NCAPG2: variants seen among roughly 807,000 people sequenced by gnomAD.
NCAPG2 encodes condensin-2 complex subunit G2.
Under a neutral mutation model 141.1 loss-of-function variants are expected in NCAPG2, and 53 were observed. The observed-to-expected ratio is 0.38, with a 90% CI of 0.30 to 0.47. The LOEUF (loss-of-function observed/expected upper bound fraction) is 0.47, where lower values mean the gene tolerates loss of function less well. Ranked by LOEUF, NCAPG2 falls within the 20% of genes least tolerant of loss-of-function variation. The pLI, the probability that NCAPG2 is intolerant of heterozygous loss-of-function variation, is 0.99. For missense variants in NCAPG2, 1,087 were observed against 1,389.0 expected (o/e 0.78, Z 3.46); for synonymous variants, 499 against 490.7 (o/e 1.02, Z -0.22).
chr7:158,668,200 GGT>G (rs1833345842), intron 13 of NCAPG2: 1 of 602,776 alleles, frequency 1.7e-6, no homozygotes, highest in African/African-American at 2.1e-5. Context: ...ACCGACCCTG[GGT>G]CCCTCCGCCC....
chr7:158,683,716 G>A (rs1371078278), intron 8 of NCAPG2, among the ~76,000 whole-genome samples: 2 of 152,328 alleles, frequency 1.3e-5, no homozygotes, highest in East Asian at 3.9e-4. Flanking sequence ...TGGTGAGTGT[G>A]GAGCCCCCTC....
At chr7:158,667,982 TTCCTTACCCACTACTGGGTCCCTCCGCCC>T (rs1833289315) in intron 13 of NCAPG2, among the ~76,000 whole-genome samples, 1 of 2,100 alleles carries the variant, frequency 4.8e-4, no homozygotes, top group Non-Finnish European at 6.2e-4. Flanking sequence ...TCCCTCCGCC[TTCCTTACCCACTACTGGGTCCCTCCGCCC>T]TCCTTACCCA....
intron 24 of NCAPG2, among the ~76,000 whole-genome samples, chr7:158,648,839 C>T (rs1587094775): frequency 1.4e-5 from 2 of 143,796 alleles, no homozygotes; most frequent in African/African-American, 2.6e-5. Flanking sequence ...AAATGGACTA[C>T]AACCACGGCA....
intron 13 of NCAPG2, among the ~76,000 whole-genome samples, chr7:158,666,599 A>G (rs1832957734): frequency 6.6e-6 from 1 of 151,300 alleles, no homozygotes; most frequent in Non-Finnish European, 1.5e-5. Flanking sequence ...CACAGATCAG[A>G]GCTGCACGGG....
intron 13 of NCAPG2, among the ~76,000 whole-genome samples, chr7:158,666,131 G>C (rs974392889): frequency 3.3e-5 from 5 of 152,200 alleles, no homozygotes; most frequent in Non-Finnish European, 5.9e-5. Flanking sequence ...GAAATTAAGG[G>C]ACTGGAGATT....
Position 158,631,608 on chromosome 7 carries a change from G to A in NCAPG2, c.*58C>T. On this transcript the variant is annotated 3_prime_UTR_variant, in exon 28 of 28. Transcript: ENST00000356309. Reference sequence around the variant, plus strand: ...ATTAAAAACAATAGGAAAATACACAGGCATTTCAATTTGAATCACTTTTCC... The same window carrying A: ...ATTAAAAACAATAGGAAAATACACAAGCATTTCAATTTGAATCACTTTTCC... The A allele has an allele frequency of 7.2e-7, 1 of 1,382,536 alleles. No homozygotes were observed. The highest frequency in any genetic ancestry group is 1.2e-5 in the South Asian group (1 of 84,664). 85.6% of individuals were successfully genotyped at this position (1,382,536 alleles called of 1,614,324 possible).
rs1360787882 is a variant in NCAPG2, at chr7:158,647,999, A to G, written c.3076-1436T>C. Among the ~76,000 whole-genome samples, 8 of 152,266 alleles carry G rather than the reference A, an allele frequency of 5.3e-5. No individual in the cohort carries two copies. In the South Asian group the frequency reaches 6.2e-4, roughly 12 times the overall value. ...GTGCCTGGCCTAGACAGCACTTCCA[A>G]TAAGTCTTCCCACACTTCCTCTGCC... On this transcript the variant is annotated intron_variant, in intron 24 of 27. Coordinates refer to ENST00000356309, the MANE Select transcript of NCAPG2 (RefSeq NM_017760.7).
rs1829881030 is a variant in NCAPG2 at position 158,631,262 on chromosome 7, A to C, written c.*404T>G. 1 of 197,752 alleles carries C rather than the reference A, an allele frequency of 5.1e-6. No homozygotes were observed. The highest frequency in any genetic ancestry group is 9.9e-5 in the South Asian group (1 of 10,106). 12.2% of individuals were successfully genotyped at this position (197,752 alleles called of 1,614,324 possible). On this transcript the variant is annotated 3_prime_UTR_variant, in exon 28 of 28. Coordinates refer to ENST00000356309, the MANE Select transcript of NCAPG2 (RefSeq NM_017760.7). ...CAGCCTCCCAAAGTGCTGGGATTAC[A>C]GGCGTGTGCCACTGCGCCGGGCCCC... is the stretch of plus-strand genomic sequence containing the variant.
intron 23 of NCAPG2, 58 bp from the exon 24 acceptor site, chr7:158,651,030 CA>C: frequency 6.7e-7 from 1 of 1,482,868 alleles, no homozygotes; most frequent in South Asian, 1.3e-5. Flanking sequence ...TTGAAAAAAA[CA>C]AAAAAACACT....
At chr7:158,675,689 C>A (rs374455157) in intron 11 of NCAPG2, 33 bp from the exon 12 acceptor site, 39 of 1,587,172 alleles carry the variant, frequency 2.5e-5, no homozygotes, top group Middle Eastern at 1.7e-4. Context: ...GCTTAAAAAC[C>A]TTGACTTATT....
intron 27 of NCAPG2, chr7:158,641,430 C>T (rs1830637351): frequency 3.5e-6 from 2 of 572,990 alleles, no homozygotes; most frequent in Admixed American, 6.9e-5. Context: ...ATAGAAATTA[C>T]ATTAGCTGGG....
Position 158,675,353 on chromosome 7 carries a change from A to G in NCAPG2, c.1326+124T>C, listed in dbSNP as rs1008397048. 3.1e-5 allele frequency: 33 copies of G among 1,071,196 alleles called. No homozygotes were observed. The Admixed American group carries it at 6.0e-4, about 19-fold the overall frequency. The allele number at this position is 1,071,196 out of a possible 1,614,324, so 66.4% of individuals were successfully genotyped here. ...TTAAAAACCTTACTTTGGATATATG[A>G]CAGGTCAAAAATGTTATCTTTGTGG... On this transcript the variant is annotated intron_variant, in intron 12 of 27. Transcript: ENST00000356309.
intron 8 of NCAPG2, among the ~76,000 whole-genome samples, chr7:158,685,071 T>C (rs1056278465): frequency 6.6e-6 from 1 of 152,206 alleles, no homozygotes; most frequent in Non-Finnish European, 1.5e-5. Context: ...CTTTCTGACC[T>C]AGAGTAAAAA....
intron 3 of NCAPG2, 133 bp downstream of exon 3, chr7:158,693,176 G>T: frequency 4.0e-6 from 4 of 1,001,558 alleles, no homozygotes; most frequent in Non-Finnish European, 5.8e-6. Context: ...AACTACAACA[G>T]ACTAAACTTC....
chr7:158,692,412 C>T (rs1835175879), intron 4 of NCAPG2, among the ~76,000 whole-genome samples: 1 of 152,222 alleles, frequency 6.6e-6, no homozygotes, highest in South Asian at 2.1e-4. Context: ...AAAGCTATAC[C>T]TTTATACAAC....
In NCAPG2 at chr7:158,680,031, G is replaced by A; in HGVS notation, c.1075C>T (p.Pro359Ser). The change falls in exon 11 of 28, where the codon CCT becomes TCT. Residue 359 changes from proline (P) to serine (S), a missense_variant. Coordinates refer to ENST00000356309, the MANE Select transcript of NCAPG2 (RefSeq NM_017760.7). ...GCATGAAGGTTTGGATCCCTAATAGGAAATGCTTCAACAAACAACAATGCA... is the reference window on the plus strand; with the variant it reads ...GCATGAAGGTTTGGATCCCTAATAGAAAATGCTTCAACAAACAACAATGCA... The part of the protein sequence containing the change: ...NAALLFVEAF[P>S]IRDPNLHAIE... 1 of 1,614,038 alleles carries A rather than the reference G, an allele frequency of 6.2e-7. No homozygotes were observed. The highest frequency in any genetic ancestry group is 8.5e-7 in the Non-Finnish European group (1 of 1,179,938).
chr7:158,664,228 C>T lies in NCAPG2; in HGVS notation c.1771G>A (p.Glu591Lys). ...CTTCCGTCCTCTTCCTCCTCGTCCT[C>T]TGGAGGCTCTCTCACTGCCCTCTGG... is the stretch of plus-strand genomic sequence containing the variant. ...CIQRAVREPP[E>K]DEEEEDGREK... Residue 591 changes from glutamate to lysine, a missense_variant, in exon 15 of 28, where the codon GAG becomes AAG. Glu to Lys is a moderately conservative substitution (Grantham distance 56). Transcript: ENST00000356309. 2.5e-6 allele frequency: 4 copies of T among 1,613,880 alleles called. No individual in the cohort carries two copies. In the South Asian group the frequency reaches 4.4e-5, roughly 18 times the overall value.
chr7:158,679,873 G>A, intron 11 of NCAPG2, 87 bp downstream of exon 11: 1 of 1,491,914 alleles, frequency 6.7e-7, no homozygotes. Context: ...GCGGTTACAG[G>A]GGAGGTGGGG....
intron 2 of NCAPG2, among the ~76,000 whole-genome samples, chr7:158,701,302 T>G (rs1450682926): frequency 6.6e-6 from 1 of 152,238 alleles, no homozygotes; most frequent in Non-Finnish European, 1.5e-5. Context: ...ATTTCTCACT[T>G]GTAGTCAGAG....
Sources: allele counts gnomAD v4.1 joint callset (sites outside exome capture counted in the v4.1 genomes callset), GRCh38; gene constraint gnomAD v4.1.1; transcripts MANE v1.5; gene names NCBI Gene and HGNC (gene_info 2026-07-23, HGNC 2026-07-21).